Variants in COL4A4 observed in about 807,000 individuals in gnomAD.
COL4A4 encodes collagen alpha-4(IV) chain.
A neutral mutation model predicts 192.9 loss-of-function variants in COL4A4; 105 were observed. That is an observed-to-expected ratio of 0.54 (90% CI 0.46 to 0.64). The LOEUF (loss-of-function observed/expected upper bound fraction) is 0.64. Among genes scored for constraint, COL4A4 ranks in the 30% least tolerant of loss-of-function variants. The pLI, the probability that COL4A4 is intolerant of heterozygous loss-of-function variation, is 0.00. For synonymous variants in COL4A4, 762 were observed against 769.9 expected (o/e 0.99, Z 0.17); for missense variants, 1,967 against 2,169.3 (o/e 0.91, Z 1.85).
At chr2:227,075,270 A>G (rs1005761917) in intron 25 of COL4A4, among the ~76,000 whole-genome samples, 2 of 152,228 alleles carry the variant, frequency 1.3e-5, no homozygotes, top group Non-Finnish European at 2.9e-5. Context: ...TGGCAAACGG[A>G]ATCCAGCAGC....
rs150828062 is a variant in COL4A4 at position 227,088,540 on chromosome 2, A to G, written c.1623+113T>C. The G allele has an allele frequency of 3.8e-4, 525 of 1,387,976 alleles. 2 individuals are homozygous for G. In the African/African-American group the frequency reaches 6.8e-3, roughly 18 times the overall value. The allele number at this position is 1,387,976 out of a possible 1,614,324, so 86.0% of individuals were successfully genotyped here. A position where few individuals can be genotyped will look rare whatever the true frequency, so the allele number is the denominator to read the frequency against. ...CCATACAGAACTGCGAGTCAATTAA[A>G]CCTCTTTCCTTAATAAATTACCTAG... On this transcript the variant is annotated intron_variant, in intron 22 of 47. Coordinates refer to ENST00000396625, the MANE Select transcript of COL4A4 (RefSeq NM_000092.5).
intron 46 of COL4A4, among the ~76,000 whole-genome samples, chr2:227,009,713 G>GAAGAGAAGA (rs1437790894): frequency 7.2e-6 from 1 of 139,390 alleles, no homozygotes; most frequent in African/African-American, 2.8e-5. Flanking sequence ...AAAAAAAAGA[G>GAAGAGAAGA]GAAAAGAGAA....
At chr2:227,022,277 T>C (rs1966159668) in intron 43 of COL4A4, 104 bp from the exon 44 acceptor site, 3 of 1,304,550 alleles carry the variant, frequency 2.3e-6, no homozygotes, top group Non-Finnish European at 3.3e-6. Flanking sequence ...TACTGAAATT[T>C]AGTACAAATT....
At chr2:227,160,538 C>T (rs1166784562) in intron 1 of COL4A4, among the ~76,000 whole-genome samples, 1 of 152,128 alleles carries the variant, frequency 6.6e-6, no homozygotes, top group Non-Finnish European at 1.5e-5. Flanking sequence ...CTACAATAAA[C>T]AGAGGACCCC....
chr2:227,070,875 TAATA>T (rs146033855), intron 25 of COL4A4, among the ~76,000 whole-genome samples: 121 of 149,832 alleles, frequency 8.1e-4, no homozygotes, highest in South Asian at 3.0e-3. Context: ...TAAAGTATAA[TAATA>T]AATAAATAAA....
Position 227,101,569 on chromosome 2 carries a change from C to T in COL4A4, c.976-12G>A. On this transcript the variant is annotated splice_polypyrimidine_tract_variant and intron_variant, in intron 16 of 47. Coordinates refer to ENST00000396625, the MANE Select transcript of COL4A4 (RefSeq NM_000092.5). Reference sequence around the variant, plus strand: ...AGTCCTAGTTCTCCCTACAAACAAGCACAAACATGCCTTAAAAAAAAAAAG... The same window carrying T: ...AGTCCTAGTTCTCCCTACAAACAAGTACAAACATGCCTTAAAAAAAAAAAG... The T allele has an allele frequency of 6.3e-7, 1 of 1,587,006 alleles. No individual in the cohort carries two copies. Among genetic ancestry groups the T allele is most frequent in the Non-Finnish European group, 8.5e-7 (1 of 1,171,410 alleles).
At chr2:227,083,300 G>A (rs2059418538) in intron 22 of COL4A4, among the ~76,000 whole-genome samples, 1 of 151,940 alleles carries the variant, frequency 6.6e-6, no homozygotes, top group African/African-American at 2.4e-5. Flanking sequence ...TACCATTATA[G>A]AAACACTATA....
chr2:227,148,910 T>C (rs1294681547), intron 1 of COL4A4, among the ~76,000 whole-genome samples: 1 of 151,868 alleles, frequency 6.6e-6, no homozygotes, highest in Non-Finnish European at 1.5e-5. Flanking sequence ...GGCGCGATCT[T>C]GGCTCACTGC....
In COL4A4 at chr2:227,120,949, AC is replaced by A. The variant is rs2061746696; in HGVS notation, c.327+64del. 14 of 1,608,620 alleles carry A rather than the reference AC, an allele frequency of 8.7e-6. No individual in the cohort carries two copies. The African/African-American group carries it at 1.5e-4, about 17-fold the overall frequency. ...GTAAGACTGTCTAAAAAAAACAAAAACAAAAAATGGTGCAGTAGTGCTGGTG... is the reference window on the plus strand; with the variant it reads ...GTAAGACTGTCTAAAAAAAACAAAAAAAAAAATGGTGCAGTAGTGCTGGTG... On this transcript the variant is annotated intron_variant, in intron 5 of 47. Coordinates refer to ENST00000396625, the MANE Select transcript of COL4A4 (RefSeq NM_000092.5).
chr2:227,139,254 A>C (rs1285485047), intron 4 of COL4A4, among the ~76,000 whole-genome samples: 1 of 152,178 alleles, frequency 6.6e-6, no homozygotes, highest in Non-Finnish European at 1.5e-5. Flanking sequence ...CTCGTAAGCC[A>C]CCCAGTCTAT....
Position 227,005,668 on chromosome 2 carries a change from A to C in COL4A4, c.*1657T>G, listed in dbSNP as rs963042912. 3.3e-5 allele frequency: 5 copies of C among 152,238 alleles called. No individual in the cohort carries two copies. Among genetic ancestry groups the C allele is most frequent in the African/African-American group, 1.2e-4 (5 of 41,468 alleles). 9.4% of individuals were successfully genotyped at this position (152,238 alleles called of 1,614,324 possible). ...ATTTGAAATGTGTTCTGCATATAAGAGCTCATTACAAATCAAGGTTTGGCA... is the reference window on the plus strand; with the variant it reads ...ATTTGAAATGTGTTCTGCATATAAGCGCTCATTACAAATCAAGGTTTGGCA... On this transcript the variant is annotated 3_prime_UTR_variant, in exon 48 of 48. Coordinates refer to ENST00000396625, the MANE Select transcript of COL4A4 (RefSeq NM_000092.5).
chr2:227,080,625 A>G, intron 23 of COL4A4, 76 bp from the exon 24 acceptor site: 1 of 1,289,476 alleles, frequency 7.8e-7, no homozygotes, highest in Non-Finnish European at 1.1e-6. Context: ...CAAAAAATAA[A>G]GAAAATGACC....
intron 4 of COL4A4, among the ~76,000 whole-genome samples, chr2:227,133,754 C>T (rs539416549): frequency 8.6e-5 from 13 of 151,906 alleles, no homozygotes; most frequent in African/African-American, 3.1e-4. Context: ...TAGCCAAGTG[C>T]GGTGGGGGTG....
chr2:227,036,683 C>T (rs995407475), intron 37 of COL4A4, among the ~76,000 whole-genome samples: 1 of 152,144 alleles, frequency 6.6e-6, no homozygotes, highest in Non-Finnish European at 1.5e-5. Context: ...AATGTACCTC[C>T]TGGCAGGTGC....
Position 227,150,721 on chromosome 2 carries a change from G to T in COL4A4, c.-101-3137C>A, listed in dbSNP as rs181368875. Among the ~76,000 whole-genome samples, 202 of 152,192 alleles carry T rather than the reference G, an allele frequency of 1.3e-3. 1 individual carries two copies. The highest frequency in any genetic ancestry group is 4.8e-3 in the African/African-American group (198 of 41,526). ...AGACAGAAGGAGTACTGAGCAAAGGGGGAAGCCCCTTATATAACCATCAAA... is the reference window on the plus strand; with the variant it reads ...AGACAGAAGGAGTACTGAGCAAAGGTGGAAGCCCCTTATATAACCATCAAA... On this transcript the variant is annotated intron_variant, in intron 1 of 47. Transcript: ENST00000396625.
chr2:227,130,081 G>C (rs1283746561), intron 4 of COL4A4, among the ~76,000 whole-genome samples: 1 of 152,182 alleles, frequency 6.6e-6, no homozygotes, highest in Non-Finnish European at 1.5e-5. Context: ...GCCAGGAAGA[G>C]TTATCAAAAT....
chr2:227,031,737 A>AG (rs893724894), intron 40 of COL4A4, among the ~76,000 whole-genome samples: 1 of 152,120 alleles, frequency 6.6e-6, no homozygotes, highest in Non-Finnish European at 1.5e-5. Flanking sequence ...AATTGAAGAG[A>AG]GGGCCAAGTC....
chr2:227,047,876 G>A (rs776823683), intron 34 of COL4A4, among the ~76,000 whole-genome samples: 1 of 152,088 alleles, frequency 6.6e-6, no homozygotes, highest in Non-Finnish European at 1.5e-5. Flanking sequence ...ATTTGGCATT[G>A]AGTGGCTATA....
the COL4A4 span, chr2:226,995,457 T>C: frequency 6.2e-7 from 1 of 1,612,886 alleles, no homozygotes; most frequent in Non-Finnish European, 8.5e-7. Context: ...CCCACCACCC[T>C]ACGGGTTTCA....
Sources: gnomAD v4.1 joint callset for allele counts (sites outside exome capture counted in the v4.1 genomes callset) on GRCh38, gnomAD v4.1.1 for gene constraint, MANE v1.5 for transcripts, NCBI Gene and HGNC (gene_info 2026-07-23, HGNC 2026-07-21) for gene names.